Variants in USP20 observed in about 807,000 individuals in gnomAD.
The protein encoded by USP20 is ubiquitin carboxyl-terminal hydrolase 20.
A neutral mutation model predicts 124.2 loss-of-function variants in USP20; 80 were observed. That is an observed-to-expected ratio of 0.64 (90% confidence interval 0.54 to 0.78). The LOEUF is 0.78. Among genes scored for constraint, USP20 ranks in the 30% least tolerant of loss-of-function variants. The pLI, the probability that USP20 is intolerant of heterozygous loss-of-function variation, is 0.00. For synonymous variants in USP20, 481 were observed against 512.3 expected (o/e 0.94, Z 0.83); for missense variants, 1,043 against 1,244.4 (o/e 0.84, Z 2.44).
chr9:129,877,037 T>C (rs1334336892), intron 22 of USP20, among the ~76,000 whole-genome samples: 3 of 152,036 alleles, frequency 2.0e-5, no homozygotes, highest in Non-Finnish European at 4.4e-5. Flanking sequence ...AAAACCAAGG[T>C]GCAAACCAGG....
At chr9:129,840,562 C>T (rs2032142733) in intron 1 of USP20, among the ~76,000 whole-genome samples, 14 of 152,092 alleles carry the variant, frequency 9.2e-5, no homozygotes, top group Admixed American at 9.2e-4. Flanking sequence ...TCCCACATAC[C>T]CCTCACCTAG....
At chr9:129,863,122 C>T (rs1408135585) in intron 8 of USP20, 64 bp from the exon 9 acceptor site, 6 of 1,332,246 alleles carry the variant, frequency 4.5e-6, no homozygotes, top group Non-Finnish European at 6.1e-6. Context: ...GCTATGCAGC[C>T]CTTTCTAAAC....
At position 129,858,585 on chromosome 9, in the gene USP20, A is replaced by C. The variant is rs1187795922; in HGVS notation, c.317A>C (p.Lys106Thr). The C allele has an allele frequency of 1.9e-6, 3 of 1,613,918 alleles. No individual in the cohort carries two copies. In the African/African-American group the frequency reaches 4.0e-5, roughly 22 times the overall value. The change falls in exon 6 of 26, where the codon AAG (lysine) becomes ACG (threonine). Residue 106 changes from lysine to threonine, a missense_variant. By Grantham distance (78) the Lys-to-Thr change is moderately conservative. Coordinates refer to ENST00000372429, the MANE Select transcript of USP20 (RefSeq NM_001110303.4). ...GCCCCTCTGCTGGGCTCCTCTTCCA[A>C]GTTCTCTGAACAGGTAACCTGTGTG... ...LAAPLLGSSS[K>T]FSEQDSPPPS...
In USP20 at chr9:129,863,369, A is replaced by G. The variant is rs551395251; in HGVS notation, c.611+70A>G. On this transcript the variant is annotated intron_variant, in intron 9 of 25. Coordinates refer to ENST00000372429, the MANE Select transcript of USP20 (RefSeq NM_001110303.4). ...GGTTTCCTGTCAGCACCCATGATTGAGTACTTCCTGTGGATTCAGCCCCCA... is the reference window on the plus strand; with the variant it reads ...GGTTTCCTGTCAGCACCCATGATTGGGTACTTCCTGTGGATTCAGCCCCCA... The G allele has an allele frequency of 4.1e-5, 50 of 1,227,102 alleles. No homozygotes were observed. The Admixed American group carries it at 1.0e-3, about 25-fold the overall frequency. The allele number at this position is 1,227,102 out of a possible 1,614,324, so 76.0% of individuals were successfully genotyped here. A position where few individuals can be genotyped will look rare whatever the true frequency, so the allele number is the denominator to read the frequency against.
chr9:129,875,983 C>T, intron 21 of USP20, 147 bp from the exon 22 acceptor site: 1 of 527,328 alleles, frequency 1.9e-6, no homozygotes, highest in East Asian at 4.2e-5. Context: ...GTTGCAGGCT[C>T]TGTGGTGCTC....
intron 21 of USP20, 119 bp from the exon 22 acceptor site, chr9:129,876,011 G>A (rs2034387688): frequency 1.1e-6 from 1 of 884,496 alleles, no homozygotes; most frequent in African/African-American, 1.8e-5. Context: ...GGTGCATGCA[G>A]GCCTGCGACA....
chr9:129,862,552 C>CAA (rs5900869), intron 8 of USP20, among the ~76,000 whole-genome samples: 112,447 of 132,574 alleles, frequency 0.85, 47,981 homozygotes, highest in East Asian at 0.94. Context: ...GACTCCGTCT[C>CAA]AAAAAAAAAA....
chr9:129,850,216 T>C (rs950825187), intron 2 of USP20, among the ~76,000 whole-genome samples: 1 of 152,090 alleles, frequency 6.6e-6, no homozygotes, highest in African/African-American at 2.4e-5. Flanking sequence ...ACTTTGTTTT[T>C]TCCTTTTTTT....
rs150681827 is a variant in USP20 at position 129,859,635 on chromosome 9, G to A, written c.330+1037G>A. On this transcript the variant is annotated intron_variant, in intron 6 of 25. Coordinates refer to ENST00000372429, the MANE Select transcript of USP20 (RefSeq NM_001110303.4). ...ATATTGCTCAAAATGCTTATTGAAT[G>A]CATTTGTGAACTTGGTAGATATTTA... 1.9e-3 allele frequency among the ~76,000 whole-genome samples: 291 copies of A among 152,234 alleles called. 1 individual carries two copies. The highest frequency in any genetic ancestry group is 6.9e-3 in the African/African-American group (285 of 41,536).
chr9:129,870,334 T>G, intron 14 of USP20, 119 bp from the exon 15 acceptor site: 1 of 1,116,946 alleles, frequency 9.0e-7, no homozygotes, highest in Non-Finnish European at 1.3e-6. Context: ...CCCGGCTGCT[T>G]CTCTGGGCCT....
rs376078669 is a variant in USP20, at chr9:129,868,950, C to G, written c.1224C>G (p.Ser408Arg). The change falls in exon 12 of 26, where the codon AGC (serine) becomes AGG (arginine). Residue 408 changes from serine (S) to arginine (R), a missense_variant. Physicochemically the swap from Ser to Arg is moderately radical, Grantham distance 110. Transcript: ENST00000372429. ...AGGGCCATGCCAAGCTGTCTAGCAGCCCCCCTCGTGCAAGCCCCGTGAGGA... is the reference window on the plus strand; with the variant it reads ...AGGGCCATGCCAAGCTGTCTAGCAGGCCCCCTCGTGCAAGCCCCGTGAGGA... ...HHEGHAKLSSSPPRASPVRMA... is the reference protein window; with the variant it reads ...HHEGHAKLSSRPPRASPVRMA... The G allele has an allele frequency of 8.1e-5, 130 of 1,612,568 alleles. No homozygotes were observed. Among genetic ancestry groups the G allele is most frequent in the Non-Finnish European group, 1.0e-4 (123 of 1,179,242 alleles).
chr9:129,878,053 CAG>C (rs2034481304), intron 22 of USP20, among the ~76,000 whole-genome samples: 1 of 152,214 alleles, frequency 6.6e-6, no homozygotes, highest in African/African-American at 2.4e-5. Context: ...GCCTGGGTGA[CAG>C]AGTGAGATTC....
chr9:129,858,364 C>T (rs111838494), intron 5 of USP20, 103 bp from the exon 6 acceptor site: 3 of 1,541,784 alleles, frequency 1.9e-6, no homozygotes, highest in Non-Finnish European at 1.8e-6. Flanking sequence ...TCTGTCCTGA[C>T]AGGGCCTCTT....
chr9:129,848,717 A>C (rs1254384563), intron 1 of USP20, among the ~76,000 whole-genome samples: 1 of 151,838 alleles, frequency 6.6e-6, no homozygotes, highest in Non-Finnish European at 1.5e-5. Context: ...CCGACTGGAG[A>C]GATGATCACT....
chr9:129,857,972 T>A, intron 4 of USP20, 78 bp from the exon 5 acceptor site: 2 of 1,367,606 alleles, frequency 1.5e-6, no homozygotes, highest in South Asian at 1.2e-5. Flanking sequence ...GCACTGACTT[T>A]GGGATGGAAC....
chr9:129,878,367 G>T lies in USP20; in HGVS notation c.2439G>T (p.Ser813=). 3.7e-6 allele frequency: 6 copies of T among 1,604,512 alleles called. No homozygotes were observed. The highest frequency in any genetic ancestry group is 5.1e-6 in the Non-Finnish European group (6 of 1,175,540). ...KLNKAFQAEE[S]PGVIYCISMQ... is the part of the protein sequence containing the mutation. The stretch of plus-strand genomic sequence containing the variant: ...ACAAGGCCTTCCAGGCCGAGGAGTC[G>T]CCGGGCGTCATCTACTGCATCAGCA... Residue 813 remains serine, a synonymous_variant, in exon 23 of 26, where the codon TCG becomes TCT. Transcript: ENST00000372429.
At chr9:129,871,288 C>T (rs370744640) in intron 15 of USP20, among the ~76,000 whole-genome samples, 9 of 151,978 alleles carry the variant, frequency 5.9e-5, no homozygotes, top group Admixed American at 3.3e-4. Context: ...TTGTGACTGA[C>T]GGCTTTTACT....
At position 129,870,516 on chromosome 9, in the gene USP20, T is replaced by C; in HGVS notation, c.1629T>C (p.Leu543=). ...WGPVVTLEDC[L]AAFFAADELK... ...CTGTCGTCACCCTGGAAGACTGCCTTGCTGCCTTCTTTGCCGCTGATGAGT... is the reference window on the plus strand; with the variant it reads ...CTGTCGTCACCCTGGAAGACTGCCTCGCTGCCTTCTTTGCCGCTGATGAGT... The change falls in exon 15 of 26, where the codon CTT becomes CTC. Residue 543 remains leucine (L), a synonymous_variant. Transcript: ENST00000372429. 6.2e-7 allele frequency: 1 copy of C among 1,614,154 alleles called. No individual in the cohort carries two copies. The highest frequency in any genetic ancestry group is 2.2e-5 in the East Asian group (1 of 44,880).
chr9:129,866,223 G>A (rs982054157), intron 10 of USP20, among the ~76,000 whole-genome samples: 2 of 33,096 alleles, frequency 6.0e-5, no homozygotes, highest in East Asian at 0.028. Context: ...GACAACTTCC[G>A]CCCTCTACCC....
Sources: gnomAD v4.1 joint callset for allele counts (sites outside exome capture counted in the v4.1 genomes callset) on GRCh38, gnomAD v4.1.1 for gene constraint, MANE v1.5 for transcripts, NCBI Gene and HGNC (gene_info 2026-07-23, HGNC 2026-07-21) for gene names.